PTPRT: variants seen among roughly 807,000 people sequenced by gnomAD.
The protein encoded by PTPRT is protein tyrosine phosphatase receptor type T.
Under a neutral mutation model 176.8 loss-of-function variants are expected in PTPRT, and 56 were observed. The observed-to-expected ratio is 0.32, with a 90% CI of 0.26 to 0.40. The LOEUF is 0.40. PTPRT is among the 10% of genes least tolerant of loss of function. PTPRT has a pLI of 1.00. For missense variants in PTPRT, 1,540 were observed against 1,908.2 expected, an observed-to-expected ratio of 0.81 and a Z score of 3.60; for synonymous variants, 783 against 739.0, an observed-to-expected ratio of 1.06 and a Z score of -0.96.
chr20:42,750,023 A>G (rs1391283495), intron 6 of PTPRT, among the ~76,000 whole-genome samples: 3 of 152,194 alleles, frequency 2.0e-5, no homozygotes, highest in Non-Finnish European at 4.4e-5. Flanking sequence ...CTGAAAAAAA[A>G]CTTAAAAAGG....
rs11468131 is a variant in PTPRT, at chr20:42,590,927, CGTGTGTGTGTGTGTGT to C, written c.1153+86923_1153+86938del. Among the ~76,000 whole-genome samples the C allele has an allele frequency of 3.6e-3, 477 of 131,084 alleles. 10 individuals are homozygous for C. In the South Asian group the frequency reaches 0.047, roughly 13 times the overall value. 86.0% of individuals were successfully genotyped at this position (131,084 alleles called of 152,430 possible). A position where few individuals can be genotyped will look rare whatever the true frequency, so the allele number is the denominator to read the frequency against. Reference sequence around the variant, plus strand: ...AGATCTAAATGTTACAGAGATTTAGCGTGTGTGTGTGTGTGTGTGTGTGTGTGTGTGTGTGTGTGTG... The same window carrying C: ...AGATCTAAATGTTACAGAGATTTAGCGTGTGTGTGTGTGTGTGTGTGTGTG... On this transcript the variant is annotated intron_variant, in intron 7 of 30. Transcript: ENST00000373187.
At chr20:42,236,609 T>C (rs1417187939) in intron 14 of PTPRT, among the ~76,000 whole-genome samples, 1 of 151,520 alleles carries the variant, frequency 6.6e-6, no homozygotes, top group African/African-American at 2.4e-5. Context: ...TTTTTTTTTT[T>C]TGGTCGGCGG....
intron 12 of PTPRT, among the ~76,000 whole-genome samples, chr20:42,290,110 CCA>C (rs1389814279): frequency 6.6e-6 from 1 of 151,766 alleles, no homozygotes; most frequent in African/African-American, 2.4e-5. Flanking sequence ...TCCAAAGTGC[CCA>C]GTCTTTTCAA....
At chr20:42,724,956 G>A (rs1188492710) in intron 6 of PTPRT, among the ~76,000 whole-genome samples, 1 of 151,820 alleles carries the variant, frequency 6.6e-6, no homozygotes, top group Admixed American at 6.6e-5. Context: ...AATCCCTTCT[G>A]CTATGTGAGA....
chr20:42,537,267 G>A lies in PTPRT; in HGVS notation c.1154-64705C>T, dbSNP rs984498563. ...TTCTGGAATGGTGGAGAACAGCCAC[G>A]AGTTTAAATGGACATAGTATTACCT... On this transcript the variant is annotated intron_variant, in intron 7 of 30. Coordinates refer to ENST00000373187, the MANE Select transcript of PTPRT (RefSeq NM_007050.6). Among the ~76,000 whole-genome samples, 6 of 152,096 alleles carry A rather than the reference G, an allele frequency of 3.9e-5. No homozygotes were observed. The East Asian group carries it at 5.8e-4, about 15-fold the overall frequency.
At chr20:42,989,536 C>G (rs368636148) in intron 1 of PTPRT, among the ~76,000 whole-genome samples, 93 of 152,262 alleles carry the variant, frequency 6.1e-4, no homozygotes, top group African/African-American at 2.2e-3. Flanking sequence ...CAGGTAGAAC[C>G]AGGGGAACAG....
At chr20:42,454,650 T>C (rs959646402) in intron 8 of PTPRT, among the ~76,000 whole-genome samples, 2 of 152,266 alleles carry the variant, frequency 1.3e-5, no homozygotes, top group African/African-American at 4.8e-5. Flanking sequence ...TTGATACTAA[T>C]CATTTTATTG....
chr20:42,623,254 C>G (rs1383828450), intron 7 of PTPRT, among the ~76,000 whole-genome samples: 1 of 152,182 alleles, frequency 6.6e-6, no homozygotes, highest in Non-Finnish European at 1.5e-5. Context: ...AAAGAGCATG[C>G]TGTAACATGC....
intron 14 of PTPRT, among the ~76,000 whole-genome samples, chr20:42,238,020 A>G (rs1424486867): frequency 6.6e-6 from 1 of 152,152 alleles, no homozygotes; most frequent in South Asian, 2.1e-4. Flanking sequence ...AAATATCCAA[A>G]ACTCCCAAGA....
intron 17 of PTPRT, among the ~76,000 whole-genome samples, chr20:42,142,205 G>A (rs950995210): frequency 2.6e-5 from 4 of 152,192 alleles, no homozygotes; most frequent in African/African-American, 9.7e-5. Context: ...AAATGTTATT[G>A]ATGTCTTCTG....
At chr20:42,712,482 C>A (rs1327107171) in intron 6 of PTPRT, among the ~76,000 whole-genome samples, 1 of 152,142 alleles carries the variant, frequency 6.6e-6, no homozygotes, top group Non-Finnish European at 1.5e-5. Context: ...CATCTGTGCA[C>A]CCTGAGGTTA....
intron 9 of PTPRT, among the ~76,000 whole-genome samples, chr20:42,413,004 T>C (rs1019572866): frequency 6.6e-6 from 1 of 152,210 alleles, no homozygotes; most frequent in Non-Finnish European, 1.5e-5. Context: ...ATTCATTTAA[T>C]TTTCCTCCTA....
chr20:42,192,473 T>C (rs1456335137), intron 16 of PTPRT, among the ~76,000 whole-genome samples: 2 of 152,208 alleles, frequency 1.3e-5, no homozygotes, highest in African/African-American at 4.8e-5. Context: ...AGCCTGAACA[T>C]TCTCTGAACT....
At position 42,259,117 on chromosome 20, in the gene PTPRT, A is replaced by G. The variant is rs373671793; in HGVS notation, c.2177-10295T>C. Among the ~76,000 whole-genome samples, 16 of 152,228 alleles carry G rather than the reference A, an allele frequency of 1.1e-4. 1 individual carries two copies. The highest frequency in any genetic ancestry group is 9.2e-4 in the Admixed American group (14 of 15,288). Reference sequence around the variant, plus strand: ...GTTTGAAAGCACTCAGGCCACTCAAATAAATTGTTCCTCAAGTGCTGATTT... The same window carrying G: ...GTTTGAAAGCACTCAGGCCACTCAAGTAAATTGTTCCTCAAGTGCTGATTT... On this transcript the variant is annotated intron_variant, in intron 13 of 30. Transcript: ENST00000373187.
rs2057189887 is a variant in PTPRT at position 42,284,244 on chromosome 20, T to C, written c.2140-1719A>G. On this transcript the variant is annotated intron_variant, in intron 12 of 30. Coordinates refer to ENST00000373187, the MANE Select transcript of PTPRT (RefSeq NM_007050.6). Reference sequence around the variant, plus strand: ...ACTATCACTATTATCCTTACTTATATTGGGCTTCTATTAACATAGCTAACA... The same window carrying C: ...ACTATCACTATTATCCTTACTTATACTGGGCTTCTATTAACATAGCTAACA... Among the ~76,000 whole-genome samples, 4 of 152,074 alleles carry C rather than the reference T, an allele frequency of 2.6e-5. No homozygotes were observed. In the South Asian group the frequency reaches 8.3e-4, roughly 31 times the overall value.
chr20:42,532,137 G>A (rs957825564), intron 7 of PTPRT, among the ~76,000 whole-genome samples: 36 of 152,118 alleles, frequency 2.4e-4, no homozygotes, highest in African/African-American at 7.7e-4. Context: ...GAGCTTTCTG[G>A]ATACAGACCC....
rs1237559282 is a variant in PTPRT, at chr20:42,076,118, CTG to C, written c.*4759_*4760del. ...TGTATGTTTTCGTTCAAACTAAAGACTGAGCTCTGTCCACCACAACCCCATGC... is the reference window on the plus strand; with the variant it reads ...TGTATGTTTTCGTTCAAACTAAAGACAGCTCTGTCCACCACAACCCCATGC... On this transcript the variant is annotated 3_prime_UTR_variant, in exon 31 of 31. Coordinates refer to ENST00000373187, the MANE Select transcript of PTPRT (RefSeq NM_007050.6). 1 of 205,008 alleles carries C rather than the reference CTG, an allele frequency of 4.9e-6. No homozygotes were observed. The highest frequency in any genetic ancestry group is 7.4e-5 in the East Asian group (1 of 13,560). The allele number at this position is 205,008 out of a possible 1,614,324, so 12.7% of individuals were successfully genotyped here.
intron 16 of PTPRT, among the ~76,000 whole-genome samples, chr20:42,182,853 C>T (rs1005798018): frequency 1.3e-5 from 2 of 151,542 alleles, no homozygotes; most frequent in African/African-American, 4.9e-5. Context: ...TGCTTCATTA[C>T]AGAGAGTTGG....
intron 9 of PTPRT, among the ~76,000 whole-genome samples, chr20:42,393,464 A>G (rs1383730379): frequency 6.6e-6 from 1 of 152,122 alleles, no homozygotes; most frequent in African/African-American, 2.4e-5. Context: ...GTATGCACTC[A>G]TACACCTCAA....
Sources: allele counts gnomAD v4.1 joint callset (sites outside exome capture counted in the v4.1 genomes callset), GRCh38; gene constraint gnomAD v4.1.1; transcripts MANE v1.5; gene names NCBI Gene and HGNC (gene_info 2026-07-23, HGNC 2026-07-21).